SGCD: variants seen among roughly 807,000 people sequenced by gnomAD.
SGCD encodes delta-sarcoglycan.
Under a neutral mutation model 36.6 loss-of-function variants are expected in SGCD, and 18 were observed. The observed-to-expected ratio is 0.49, with a 90% CI of 0.34 to 0.73. The LOEUF (loss-of-function observed/expected upper bound fraction) is 0.73, where lower values mean the gene tolerates loss of function less well. Among genes scored for constraint, SGCD ranks in the 30% least tolerant of loss-of-function variants. SGCD has a pLI of 0.01. For missense variants in SGCD, 387 were observed against 346.7 expected (o/e 1.12, Z -0.92); for synonymous variants, 133 against 130.6 (o/e 1.02, Z -0.12).
chr5:156,623,193 G>A (rs1001713203), intron 6 of SGCD, among the ~76,000 whole-genome samples: 1 of 152,016 alleles, frequency 6.6e-6, no homozygotes, highest in African/African-American at 2.4e-5. Context: ...ATCTCTTTTA[G>A]AAAACCACAG....
chr5:155,965,562 T>C (rs544295723), intron 1 of SGCD, among the ~76,000 whole-genome samples: 4 of 152,232 alleles, frequency 2.6e-5, no homozygotes, highest in South Asian at 2.1e-4. Context: ...GCAAACAGTT[T>C]ATCATGAATG....
intron 1 of SGCD, among the ~76,000 whole-genome samples, chr5:155,870,780 C>T (rs1289952467): frequency 6.6e-6 from 1 of 152,168 alleles, no homozygotes; most frequent in East Asian, 1.9e-4. Flanking sequence ...CATGTGAAAA[C>T]ATCCTACTGA....
intron 4 of SGCD, among the ~76,000 whole-genome samples, chr5:156,544,630 A>C (rs1025312062): frequency 8.6e-5 from 13 of 151,628 alleles, no homozygotes; most frequent in Non-Finnish European, 1.8e-4. Flanking sequence ...AAAAAAAAAA[A>C]CTCACACTAG....
chr5:155,816,581 A>G, the SGCD span, among the ~76,000 whole-genome samples: 1 of 152,164 alleles, frequency 6.6e-6, no homozygotes, highest in Non-Finnish European at 1.5e-5. Flanking sequence ...ATGAAGTTCA[A>G]ACCTGCATTG....
At chr5:156,485,577 A>T (rs926585862) in intron 3 of SGCD, among the ~76,000 whole-genome samples, 6 of 152,164 alleles carry the variant, frequency 3.9e-5, no homozygotes, top group Admixed American at 3.9e-4. Context: ...GCTGGAGAGT[A>T]GCTTGAACTC....
At chr5:156,092,943 G>T (rs1761281556) in intron 1 of SGCD, among the ~76,000 whole-genome samples, 1 of 152,220 alleles carries the variant, frequency 6.6e-6, no homozygotes. Flanking sequence ...AACTGAGTAA[G>T]TGGCATCTGT....
chr5:156,072,864 G>T (rs1156927361), intron 1 of SGCD, among the ~76,000 whole-genome samples: 1 of 151,996 alleles, frequency 6.6e-6, no homozygotes. Context: ...TTCCCTTCTC[G>T]CTTCATTTCA....
At chr5:156,270,790 G>C (rs569523119) in intron 3 of SGCD, among the ~76,000 whole-genome samples, 29 of 148,654 alleles carry the variant, frequency 2.0e-4, no homozygotes, top group African/African-American at 7.1e-4. Context: ...GCTGGATAGG[G>C]CTGTGGCAAG....
intron 3 of SGCD, 82 bp from the exon 4 acceptor site, chr5:156,508,519 A>C: frequency 1.3e-6 from 1 of 765,316 alleles, no homozygotes; most frequent in Non-Finnish European, 2.2e-6. Flanking sequence ...AAAAAAGGCT[A>C]TAACTACGTT....
At chr5:156,143,822 G>T (rs201378581) in intron 3 of SGCD, among the ~76,000 whole-genome samples, 1 of 151,140 alleles carries the variant, frequency 6.6e-6, no homozygotes, top group Non-Finnish European at 1.5e-5. Context: ...GTGCCATGTT[G>T]GTGTGCTGCA....
At chr5:156,517,513 G>A (rs1194837791) in intron 4 of SGCD, among the ~76,000 whole-genome samples, 1 of 152,058 alleles carries the variant, frequency 6.6e-6, no homozygotes, top group African/African-American at 2.4e-5. Context: ...TATTCCATGA[G>A]AAGATCAACC....
intron 6 of SGCD, among the ~76,000 whole-genome samples, chr5:156,618,920 G>C (rs1762127950): frequency 1.3e-5 from 2 of 152,124 alleles, no homozygotes. Flanking sequence ...GTGGTGCTCA[G>C]GGAGAGTGGG....
intron 1 of SGCD, among the ~76,000 whole-genome samples, chr5:155,910,097 C>T (rs1213721429): frequency 2.0e-5 from 3 of 151,830 alleles, no homozygotes; most frequent in Admixed American, 2.0e-4. Context: ...ATTTTGTTCT[C>T]TGGAAGGTAC....
At chr5:156,489,498 G>T (rs574216043) in intron 3 of SGCD, among the ~76,000 whole-genome samples, 2 of 151,980 alleles carry the variant, frequency 1.3e-5, no homozygotes, top group Non-Finnish European at 2.9e-5. Flanking sequence ...ATCAACAATT[G>T]TTTTTTAAAA....
chr5:156,004,255 G>C (rs1418470039), intron 1 of SGCD, among the ~76,000 whole-genome samples: 2 of 152,030 alleles, frequency 1.3e-5, no homozygotes, highest in East Asian at 1.9e-4. Flanking sequence ...TTATGTTTGG[G>C]GGGGATAAGT....
chr5:156,512,921 G>A (rs1191418623), intron 4 of SGCD, among the ~76,000 whole-genome samples: 3 of 151,806 alleles, frequency 2.0e-5, no homozygotes, highest in Admixed American at 1.3e-4. Context: ...TAACTTAAGA[G>A]TACGATTTTT....
At chr5:155,856,628 A>G in the SGCD span, among the ~76,000 whole-genome samples, 4 of 152,188 alleles carry the variant, frequency 2.6e-5, no homozygotes, top group African/African-American at 9.7e-5. Context: ...TATAGAATAT[A>G]TAAAAATTTC....
intron 1 of SGCD, among the ~76,000 whole-genome samples, chr5:156,034,499 T>C (rs532973778): frequency 6.6e-6 from 1 of 152,334 alleles, no homozygotes; most frequent in African/African-American, 2.4e-5. Context: ...GTTATCTTCA[T>C]CTGTAAAAGA....
At chr5:156,656,366 G>A (rs932883536) in intron 7 of SGCD, among the ~76,000 whole-genome samples, 8 of 152,210 alleles carry the variant, frequency 5.3e-5, no homozygotes, top group Admixed American at 4.6e-4. Flanking sequence ...AGAGAATAAT[G>A]GAGAATTACA....
Sources: allele counts gnomAD v4.1 joint callset (sites outside exome capture counted in the v4.1 genomes callset), GRCh38; gene constraint gnomAD v4.1.1; transcripts MANE v1.5; gene names NCBI Gene and HGNC (gene_info 2026-07-23, HGNC 2026-07-21).